TRPC5: variants seen among roughly 807,000 people sequenced by gnomAD.
TRPC5 encodes the protein short transient receptor potential channel 5.
A neutral mutation model predicts 56.5 loss-of-function variants in TRPC5; 9 were observed. The observed-to-expected ratio is 0.16, with a 90% CI of 0.10 to 0.28. TRPC5 has a LOEUF of 0.28. TRPC5 is among the 10% of genes least tolerant of loss of function. The probability of loss-of-function intolerance (pLI) is 1.00; values close to 1 mark genes in which losing one functional copy is unlikely to be tolerated. For missense variants in TRPC5, 469 were observed against 748.9 expected, an observed-to-expected ratio of 0.63 and a Z score of 4.36; for synonymous variants, 282 against 278.5, an observed-to-expected ratio of 1.01 and a Z score of -0.13.
chrX:111,863,874 A>G (rs6567984), intron 3 of TRPC5, among the ~76,000 whole-genome samples: 12,457 of 111,630 alleles, frequency 0.11, 1,607 homozygotes, highest in African/African-American at 0.37. Flanking sequence ...ATGATCATGC[A>G]TGGTTTTGTC....
At chrX:112,071,189 G>A (rs1215444020) in intron 1 of TRPC5, among the ~76,000 whole-genome samples, 1 of 110,447 alleles carries the variant, frequency 9.1e-6, no homozygotes, top group Non-Finnish European at 1.9e-5. Context: ...TCGCATACCT[G>A]TACCTCCAGC....
intron 1 of TRPC5, among the ~76,000 whole-genome samples, chrX:111,979,145 A>T (rs143535279): frequency 0.017 from 1,864 of 111,376 alleles, 42 homozygotes; most frequent in African/African-American, 0.057. Context: ...AGATTAATGG[A>T]AAAAAAGAGT....
chrX:111,779,501 A>AT, intron 9 of TRPC5, among the ~76,000 whole-genome samples: 1 of 111,652 alleles, frequency 9.0e-6, no homozygotes, highest in Non-Finnish European at 1.9e-5. Context: ...TAGTGAAGAT[A>AT]TTTTTCTCAT....
At chrX:111,858,849 A>G (rs1923314432) in intron 3 of TRPC5, among the ~76,000 whole-genome samples, 1 of 111,436 alleles carries the variant, frequency 9.0e-6, no homozygotes, top group Non-Finnish European at 1.9e-5. Flanking sequence ...GCTTGTAGTT[A>G]GAAAAGAAGT....
chrX:111,936,937 T>A (rs1162938880), intron 2 of TRPC5, among the ~76,000 whole-genome samples: 150 of 104,246 alleles, frequency 1.4e-3, no homozygotes, highest in African/African-American at 5.5e-3. Context: ...TCCACAAGGG[T>A]TGAACTAGTT....
At chrX:111,883,490 G>A (rs1028438404) in intron 3 of TRPC5, among the ~76,000 whole-genome samples, 2 of 112,626 alleles carry the variant, frequency 1.8e-5, no homozygotes, top group Non-Finnish European at 3.7e-5. Flanking sequence ...GCCTAGTTAA[G>A]GCCTAGTTAG....
chrX:112,050,703 T>G (rs1432948068), intron 1 of TRPC5, among the ~76,000 whole-genome samples: 1 of 112,269 alleles, frequency 8.9e-6, no homozygotes, highest in Non-Finnish European at 1.9e-5. Context: ...CTATGTTGTT[T>G]CCTGACCTTC....
At chrX:111,837,709 TAG>T (rs1922604891) in intron 6 of TRPC5, among the ~76,000 whole-genome samples, 1 of 110,794 alleles carries the variant, frequency 9.0e-6, no homozygotes, top group African/African-American at 3.3e-5. Flanking sequence ...TGCTTGAGGA[TAG>T]AGTTTATTGC....
At chrX:111,909,794 C>T (rs1925757921) in intron 3 of TRPC5, among the ~76,000 whole-genome samples, 1 of 111,218 alleles carries the variant, frequency 9.0e-6, no homozygotes, top group African/African-American at 3.3e-5. Flanking sequence ...GACAAAATTT[C>T]TGGACAGCAA....
chrX:111,776,190 T>A lies in TRPC5; in HGVS notation c.*123A>T. The A allele has an allele frequency of 1.6e-6, 1 of 641,419 alleles. No homozygotes were observed. The highest frequency in any genetic ancestry group is 2.3e-6 in the Non-Finnish European group (1 of 436,378). 52.9% of individuals were successfully genotyped at this position (641,419 alleles called of 1,213,427 possible). The stretch of plus-strand genomic sequence containing the variant: ...ATGTGGCTATAAAAGATGGTGCAAA[T>A]AAGAGTTTCACTCTCCTTTCTGGGG... On this transcript the variant is annotated 3_prime_UTR_variant, in exon 11 of 11. Coordinates refer to ENST00000262839, the MANE Select transcript of TRPC5 (RefSeq NM_012471.3).
At chrX:111,845,255 A>C (rs1277170923) in intron 6 of TRPC5, among the ~76,000 whole-genome samples, 1 of 111,327 alleles carries the variant, frequency 9.0e-6, no homozygotes, top group Admixed American at 9.6e-5. Flanking sequence ...GAATGAATGA[A>C]TGACTGAATC....
At chrX:111,947,612 A>G (rs1926963824) in intron 2 of TRPC5, among the ~76,000 whole-genome samples, 1 of 111,955 alleles carries the variant, frequency 8.9e-6, no homozygotes, top group South Asian at 3.7e-4. Flanking sequence ...GATTACAGGC[A>G]TGAGCCACTG....
intron 7 of TRPC5, among the ~76,000 whole-genome samples, chrX:111,800,284 T>C (rs746188057): frequency 9.0e-6 from 1 of 111,694 alleles, no homozygotes; most frequent in East Asian, 2.8e-4. Context: ...TAATGAATAA[T>C]AAATATATTT....
At chrX:112,002,569 T>C (rs756486624) in intron 1 of TRPC5, among the ~76,000 whole-genome samples, 36 of 112,072 alleles carry the variant, frequency 3.2e-4, no homozygotes, top group African/African-American at 1.1e-3. Context: ...AACTCCAAGC[T>C]ACTTAGAGCT....
At chrX:111,921,666 G>T (rs1394325662) in intron 2 of TRPC5, among the ~76,000 whole-genome samples, 1 of 111,277 alleles carries the variant, frequency 9.0e-6, no homozygotes, top group Non-Finnish European at 1.9e-5. Flanking sequence ...AATAGGCCAA[G>T]AATTTAGATT....
chrX:111,805,446 C>T (rs56945554), intron 7 of TRPC5, among the ~76,000 whole-genome samples: 1,554 of 111,016 alleles, frequency 0.014, 21 homozygotes, highest in African/African-American at 0.048. Flanking sequence ...CTCTTTGTAC[C>T]TCTGGTAGAA....
chrX:112,032,901 G>A (rs1929623494), intron 1 of TRPC5, among the ~76,000 whole-genome samples: 1 of 110,177 alleles, frequency 9.1e-6, no homozygotes, highest in Admixed American at 9.7e-5. Flanking sequence ...TATGCTTTTT[G>A]GCCATACATA....
rs867682796 is a variant in TRPC5 at position 111,928,058 on chromosome X, T to C, written c.379-15246A>G. ...CGCCTGGGCCTGAATAACATCAAAATGCCTAAGTTCATCTAGCACAGACAT... is the reference window on the plus strand; with the variant it reads ...CGCCTGGGCCTGAATAACATCAAAACGCCTAAGTTCATCTAGCACAGACAT... On this transcript the variant is annotated intron_variant, in intron 2 of 10. Transcript: ENST00000262839. Among the ~76,000 whole-genome samples, 9 of 111,213 alleles carry C rather than the reference T, an allele frequency of 8.1e-5. 1 individual carries two copies. Among genetic ancestry groups the C allele is most frequent in the Middle Eastern group, 9.1e-3 (2 of 219 alleles).
At position 111,776,217 on chromosome X, in the gene TRPC5, G is replaced by T. The variant is rs1031213615; in HGVS notation, c.*96C>A. ...AGAGTTTCACTCTCCTTTCTGGGGG[G>T]CAGGGGCAGTGAGGGAATCATATTC... On this transcript the variant is annotated 3_prime_UTR_variant, in exon 11 of 11. Coordinates refer to ENST00000262839, the MANE Select transcript of TRPC5 (RefSeq NM_012471.3). 3.6e-6 allele frequency: 3 copies of T among 841,383 alleles called. No individual in the cohort carries two copies. The highest frequency in any genetic ancestry group is 3.2e-5 in the Admixed American group (1 of 30,916). 69.3% of individuals were successfully genotyped at this position (841,383 alleles called of 1,213,427 possible).
Sources: allele counts gnomAD v4.1 joint callset (sites outside exome capture counted in the v4.1 genomes callset), GRCh38; gene constraint gnomAD v4.1.1; transcripts MANE v1.5; gene names NCBI Gene and HGNC (gene_info 2026-07-23, HGNC 2026-07-21).